ADAMTS19: variants seen among roughly 807,000 people sequenced by gnomAD.
ADAMTS19 encodes ADAM metallopeptidase with thrombospondin type 1 motif 19.
ADAMTS19 carries 93 observed loss-of-function variants against 153.3 expected under a neutral mutation model. That is an observed-to-expected ratio of 0.61 (90% CI 0.51 to 0.72). The LOEUF (loss-of-function observed/expected upper bound fraction) is 0.72, where lower values mean the gene tolerates loss of function less well. ADAMTS19 is among the 30% of genes least tolerant of loss of function. ADAMTS19 has a pLI of 0.00. For missense variants in ADAMTS19, 1,482 were observed against 1,552.1 expected (o/e 0.95, Z 0.76); for synonymous variants, 600 against 556.6 (o/e 1.08, Z -1.10).
At chr5:129,583,667 C>A (rs1425999282) in intron 7 of ADAMTS19, among the ~76,000 whole-genome samples, 1 of 151,776 alleles carries the variant, frequency 6.6e-6, no homozygotes, top group Non-Finnish European at 1.5e-5. Context: ...ATGTGATCTT[C>A]AATCTCTGAT....
intron 8 of ADAMTS19, among the ~76,000 whole-genome samples, chr5:129,603,157 T>C (rs1479328883): frequency 6.6e-6 from 1 of 152,136 alleles, no homozygotes; most frequent in African/African-American, 2.4e-5. Context: ...GTTCATCAAA[T>C]GGCAGCGAGT....
chr5:129,489,693 C>T (rs1201558021), intron 2 of ADAMTS19, among the ~76,000 whole-genome samples: 4 of 152,062 alleles, frequency 2.6e-5, no homozygotes, highest in Admixed American at 1.3e-4. Context: ...AAAAAGTTTA[C>T]TTTTGGAGTA....
intron 7 of ADAMTS19, among the ~76,000 whole-genome samples, chr5:129,585,518 T>C (rs1749737728): frequency 6.6e-6 from 1 of 152,206 alleles, no homozygotes; most frequent in South Asian, 2.1e-4. Context: ...TGAACACTTG[T>C]ACTATATCCC....
At position 129,461,319 on chromosome 5, in the gene ADAMTS19, C is replaced by T. The variant is rs1157739753; in HGVS notation, c.309C>T (p.Gly103=). 111 of 1,327,366 alleles carry T rather than the reference C, an allele frequency of 8.4e-5. 1 individual carries two copies. Among genetic ancestry groups the T allele is most frequent in the Non-Finnish European group, 1.0e-4 (109 of 1,047,436 alleles). The allele number at this position is 1,327,366 out of a possible 1,614,324, so 82.2% of individuals were successfully genotyped here. A position where few individuals can be genotyped will look rare whatever the true frequency, so the allele number is the denominator to read the frequency against. ...APVPLEEPVE[G]RSESRLRPPP... ...TGCCTTTGGAGGAGCCCGTGGAGGG[C>T]CGATCAGAGTCCCGGCTCCGGCCCC... The change falls in exon 2 of 23, where the codon GGC becomes GGT. Residue 103 remains glycine, a synonymous_variant. Coordinates refer to ENST00000274487, the MANE Select transcript of ADAMTS19 (RefSeq NM_133638.6). This position sits in a 1 kb window ranked among gnomAD's most constrained non-coding sequence, Gnocchi z 4.6.
intron 8 of ADAMTS19, among the ~76,000 whole-genome samples, chr5:129,610,714 A>G (rs867746936): frequency 6.6e-6 from 1 of 152,068 alleles, no homozygotes; most frequent in Non-Finnish European, 1.5e-5. Context: ...GTTGGTTCCA[A>G]GTCTTTGCTA....
At chr5:129,698,590 T>C (rs1227363549) in intron 19 of ADAMTS19, among the ~76,000 whole-genome samples, 1 of 152,240 alleles carries the variant, frequency 6.6e-6, no homozygotes, top group Non-Finnish European at 1.5e-5. Flanking sequence ...TTCTTATTTT[T>C]CAGTGGTTTT....
chr5:129,683,097 A>G (rs1312997053), intron 17 of ADAMTS19, among the ~76,000 whole-genome samples: 3 of 152,204 alleles, frequency 2.0e-5, no homozygotes, highest in African/African-American at 7.2e-5. Flanking sequence ...ATATTATATT[A>G]TATAGATTGT....
intron 3 of ADAMTS19, among the ~76,000 whole-genome samples, chr5:129,524,120 C>G (rs932340261): frequency 1.3e-5 from 2 of 151,998 alleles, no homozygotes; most frequent in African/African-American, 4.8e-5. Context: ...GTATATAGAC[C>G]AATGGAACAG....
intron 10 of ADAMTS19, among the ~76,000 whole-genome samples, chr5:129,623,354 T>C (rs1461026302): frequency 6.6e-6 from 1 of 152,030 alleles, no homozygotes; most frequent in Non-Finnish European, 1.5e-5. Context: ...TATCTGCCCA[T>C]CTCCTCTCGC....
intron 2 of ADAMTS19, among the ~76,000 whole-genome samples, chr5:129,504,860 T>TACAC (rs1424334829): frequency 9.4e-5 from 9 of 95,752 alleles, no homozygotes; most frequent in African/African-American, 3.6e-4. Context: ...GTATTCTGTC[T>TACAC]ACACACACAC....
At chr5:129,610,096 T>A (rs1751125126) in intron 8 of ADAMTS19, among the ~76,000 whole-genome samples, 1 of 3,444 alleles carries the variant, frequency 2.9e-4, no homozygotes, top group Non-Finnish European at 1.2e-3. Context: ...AGTGGTATTA[T>A]ATATATATAT....
intron 16 of ADAMTS19, among the ~76,000 whole-genome samples, chr5:129,674,297 A>G (rs1009335682): frequency 1.3e-5 from 2 of 151,216 alleles, no homozygotes; most frequent in African/African-American, 4.9e-5. Context: ...ATCTTTTTCC[A>G]TTCTTTTATT....
intron 2 of ADAMTS19, among the ~76,000 whole-genome samples, chr5:129,493,687 G>A (rs1750841952): frequency 6.6e-6 from 1 of 152,084 alleles, no homozygotes; most frequent in South Asian, 2.1e-4. Context: ...GAACATTAAT[G>A]TTTCTAATTC....
At chr5:129,557,238 G>A (rs1753344768) in intron 7 of ADAMTS19, among the ~76,000 whole-genome samples, 1 of 152,132 alleles carries the variant, frequency 6.6e-6, no homozygotes, top group Non-Finnish European at 1.5e-5. Flanking sequence ...ATTTCTAGCT[G>A]AGAGATTAGC....
At chr5:129,644,225 T>C (rs988093728) in intron 11 of ADAMTS19, among the ~76,000 whole-genome samples, 2 of 152,230 alleles carry the variant, frequency 1.3e-5, no homozygotes, top group Admixed American at 6.5e-5. Flanking sequence ...TTGAAATAAC[T>C]AATGAACCTC....
intron 10 of ADAMTS19, among the ~76,000 whole-genome samples, chr5:129,624,555 G>A (rs1405733796): frequency 6.6e-6 from 1 of 152,040 alleles, no homozygotes; most frequent in African/African-American, 2.4e-5. Context: ...CAGTTCATGT[G>A]GTATAGAGAA....
chr5:129,501,162 T>A (rs1234692325), intron 2 of ADAMTS19, among the ~76,000 whole-genome samples: 2 of 152,102 alleles, frequency 1.3e-5, no homozygotes, highest in African/African-American at 4.8e-5. Context: ...ATTCTGGTTG[T>A]ATGATCAGAA....
At chr5:129,466,804 G>A (rs965457304) in intron 2 of ADAMTS19, among the ~76,000 whole-genome samples, 3 of 152,130 alleles carry the variant, frequency 2.0e-5, no homozygotes, top group African/African-American at 7.2e-5. Context: ...ACTTCTTTGA[G>A]GGTAGAGGGT....
At chr5:129,550,637 A>G (rs544590972) in intron 6 of ADAMTS19, among the ~76,000 whole-genome samples, 5 of 151,516 alleles carry the variant, frequency 3.3e-5, no homozygotes, top group African/African-American at 7.2e-5. Flanking sequence ...CAAGATGTGA[A>G]TTGAAAGCTA....
Sources: gnomAD v4.1 joint callset for allele counts (sites outside exome capture counted in the v4.1 genomes callset) on GRCh38, gnomAD v4.1.1 for gene constraint, Gnocchi (gnomAD v3.1) non-coding constraint, MANE v1.5 for transcripts, NCBI Gene and HGNC (gene_info 2026-07-23, HGNC 2026-07-21) for gene names.